The following DIP2C variants were observed in gnomAD, a reference collection of about 807,000 sequenced individuals.
DIP2C encodes DIP2 acetate--CoA ligase C (putative).
DIP2C carries 33 observed loss-of-function variants against 192.4 expected under a neutral mutation model. The observed-to-expected ratio is 0.17, with a 90% CI of 0.13 to 0.23. The LOEUF is 0.23. DIP2C is among the 10% of genes least tolerant of loss of function. DIP2C has a pLI of 1.00. For missense variants in DIP2C, 1,537 were observed against 2,110.1 expected (o/e 0.73, Z 5.32); for synonymous variants, 979 against 864.1 (o/e 1.13, Z -2.33).
intron 1 of DIP2C, among the ~76,000 whole-genome samples, chr10:545,166 CTTTTTTT>C (rs60185327): frequency 2.1e-4 from 18 of 86,336 alleles, no homozygotes; most frequent in East Asian, 1.5e-3. Context: ...GGTGTTTTCC[CTTTTTTT>C]TTTTTTTTTT....
intron 32 of DIP2C, among the ~76,000 whole-genome samples, chr10:297,841 C>T (rs757306489): frequency 2.0e-5 from 3 of 152,244 alleles, no homozygotes; most frequent in South Asian, 2.1e-4. Flanking sequence ...TGCACGCTCC[C>T]GATCTAATAT....
chr10:354,006 C>A (rs1732091397), intron 24 of DIP2C, among the ~76,000 whole-genome samples: 1 of 152,172 alleles, frequency 6.6e-6, no homozygotes, highest in South Asian at 2.1e-4. Flanking sequence ...TGGTCCAGGC[C>A]CAGCATCTCT....
intron 31 of DIP2C, among the ~76,000 whole-genome samples, chr10:320,857 A>T (rs891368981): frequency 6.6e-6 from 1 of 152,230 alleles, no homozygotes; most frequent in Non-Finnish European, 1.5e-5. Context: ...AAGCAGCTGG[A>T]AAGTGTGAAG....
At chr10:598,150 G>A (rs1024035756) in intron 1 of DIP2C, among the ~76,000 whole-genome samples, 17 of 152,198 alleles carry the variant, frequency 1.1e-4, no homozygotes, top group East Asian at 3.8e-4. Context: ...GCAAAGAGTC[G>A]GAGACACCAG....
intron 1 of DIP2C, among the ~76,000 whole-genome samples, chr10:631,775 G>C (rs1035060811): frequency 6.6e-6 from 1 of 152,224 alleles, no homozygotes; most frequent in Admixed American, 6.5e-5. Flanking sequence ...CCCGGGAGCA[G>C]AGAGAGCTTA....
intron 2 of DIP2C, among the ~76,000 whole-genome samples, chr10:477,456 GT>G (rs371518421): frequency 1.0e-3 from 2 of 1,948 alleles, no homozygotes; most frequent in African/African-American, 1.1e-3. Flanking sequence ...AGGTGGATGG[GT>G]GGGAGGTGGG....
intron 1 of DIP2C, among the ~76,000 whole-genome samples, chr10:504,924 C>T (rs1488145226): frequency 6.6e-6 from 1 of 152,186 alleles, no homozygotes; most frequent in Non-Finnish European, 1.5e-5. Flanking sequence ...CATTTCTCAA[C>T]ACTCCAAGCT....
intron 3 of DIP2C, chr10:441,216 C>G: frequency 5.5e-6 from 3 of 544,922 alleles, no homozygotes; most frequent in Non-Finnish European, 9.3e-6. Flanking sequence ...GAATCCATAT[C>G]CATAAGCAAA....
intron 1 of DIP2C, among the ~76,000 whole-genome samples, chr10:616,789 A>G (rs192407660): frequency 2.3e-3 from 354 of 152,216 alleles, no homozygotes; most frequent in African/African-American, 7.9e-3. Flanking sequence ...CCTAGGAATC[A>G]GCATTTAACA....
chr10:349,614 C>T (rs138888370), intron 24 of DIP2C, among the ~76,000 whole-genome samples, 160 bp from the exon 25 acceptor site: 4 of 152,338 alleles, frequency 2.6e-5, no homozygotes, highest in Admixed American at 1.3e-4. Flanking sequence ...AATTTTAGAA[C>T]GTTTTTAGCC....
intron 1 of DIP2C, among the ~76,000 whole-genome samples, chr10:578,807 GTGCA>G (rs1286877469): frequency 6.3e-5 from 9 of 143,170 alleles, no homozygotes; most frequent in Admixed American, 5.4e-4. Context: ...TATAACATGT[GTGCA>G]TGCATAGAGA....
chr10:562,955 C>T (rs188618885), intron 1 of DIP2C, among the ~76,000 whole-genome samples: 42 of 152,354 alleles, frequency 2.8e-4, no homozygotes, highest in African/African-American at 9.6e-4. Context: ...TGAACATTGA[C>T]GTGTGCAACC....
intron 23 of DIP2C, among the ~76,000 whole-genome samples, chr10:357,601 G>A (rs1959143779): frequency 1.3e-5 from 2 of 152,330 alleles, no homozygotes; most frequent in Middle Eastern, 3.4e-3. Flanking sequence ...GGAGAGGACA[G>A]GTAGAATAAA....
intron 2 of DIP2C, among the ~76,000 whole-genome samples, chr10:472,823 G>A (rs1588215422): frequency 2.0e-5 from 3 of 152,328 alleles, no homozygotes. Context: ...CTCAGCCACA[G>A]GTGGCAACTG....
intron 1 of DIP2C, among the ~76,000 whole-genome samples, chr10:618,315 G>A (rs1268716449): frequency 1.3e-5 from 2 of 152,190 alleles, no homozygotes; most frequent in East Asian, 1.9e-4. Flanking sequence ...GGTTCTGGCT[G>A]GCTTGCAGGC....
At chr10:588,537 T>G (rs2131625023) in intron 1 of DIP2C, among the ~76,000 whole-genome samples, 1 of 152,322 alleles carries the variant, frequency 6.6e-6, no homozygotes, top group East Asian at 1.9e-4. Flanking sequence ...CTTGGGTCCC[T>G]GCCGGGAAAG....
intron 1 of DIP2C, among the ~76,000 whole-genome samples, chr10:580,113 A>G (rs1397936942): frequency 1.3e-5 from 2 of 152,184 alleles, no homozygotes; most frequent in Non-Finnish European, 2.9e-5. Flanking sequence ...GTACATAGGT[A>G]TAACATCTAT....
intron 3 of DIP2C, among the ~76,000 whole-genome samples, chr10:442,197 T>C (rs1967795816): frequency 6.6e-6 from 1 of 152,158 alleles, no homozygotes; most frequent in Admixed American, 6.5e-5. Flanking sequence ...CGAGGCAGTC[T>C]TCTCTGAAGC....
intron 3 of DIP2C, among the ~76,000 whole-genome samples, chr10:453,350 C>T (rs904903115): frequency 6.6e-6 from 1 of 152,212 alleles, no homozygotes; most frequent in African/African-American, 2.4e-5. Context: ...GGCAGGATTG[C>T]AGCGGAGTCA....
Sources: allele counts gnomAD v4.1 joint callset (sites outside exome capture counted in the v4.1 genomes callset), GRCh38; gene constraint gnomAD v4.1.1; transcripts MANE v1.5; gene names NCBI Gene and HGNC (gene_info 2026-07-23, HGNC 2026-07-21).